RAD54B: variants seen among roughly 807,000 people sequenced by gnomAD.
RAD54B encodes the protein DNA repair and recombination protein RAD54B.
Under a neutral mutation model 95.8 loss-of-function variants are expected in RAD54B, and 78 were observed. That is an observed-to-expected ratio of 0.81 (90% confidence interval 0.68 to 0.98). The LOEUF is 0.98. RAD54B is among the 50% of genes least tolerant of loss of function. RAD54B has a pLI of 0.00. For synonymous variants in RAD54B, 328 were observed against 354.9 expected, an observed-to-expected ratio of 0.92 and a Z score of 0.85; for missense variants, 957 against 1,056.6, an observed-to-expected ratio of 0.91 and a Z score of 1.31.
At chr8:94,429,596 A>C (rs1355003994) in intron 3 of RAD54B, 1 of 983,044 alleles carries the variant, frequency 1.0e-6, no homozygotes, top group Non-Finnish European at 1.2e-6. Context: ...AAAGCTTACT[A>C]CTGCCAAGAT....
chr8:94,375,741 G>GA (rs1348720727), intron 14 of RAD54B, among the ~76,000 whole-genome samples: 1 of 152,104 alleles, frequency 6.6e-6, no homozygotes, highest in Non-Finnish European at 1.5e-5. Context: ...GCTACTGAGT[G>GA]AAAAAGGTAC....
intron 3 of RAD54B, among the ~76,000 whole-genome samples, chr8:94,417,893 A>G (rs1811715077): frequency 6.6e-6 from 1 of 152,196 alleles, no homozygotes; most frequent in Non-Finnish European, 1.5e-5. Flanking sequence ...TTTCTGAGAA[A>G]ACAAATGATT....
intron 2 of RAD54B, among the ~76,000 whole-genome samples, chr8:94,466,768 A>T (rs1040846323): frequency 1.3e-5 from 2 of 152,176 alleles, no homozygotes; most frequent in Non-Finnish European, 2.9e-5. Context: ...ACAAATCATT[A>T]TGTATTTTTT....
At chr8:94,454,365 T>C (rs111359278) in intron 3 of RAD54B, among the ~76,000 whole-genome samples, 60 of 152,310 alleles carry the variant, frequency 3.9e-4, no homozygotes, top group African/African-American at 7.2e-4. Flanking sequence ...TTGTACAACA[T>C]TGTAAATATG....
chr8:94,407,196 C>T (rs1249971593), intron 5 of RAD54B, among the ~76,000 whole-genome samples: 3 of 151,958 alleles, frequency 2.0e-5, no homozygotes, highest in Non-Finnish European at 2.9e-5. Context: ...AGATATGTTT[C>T]CTTCAACACA....
At chr8:94,466,419 T>G (rs564939120) in intron 2 of RAD54B, among the ~76,000 whole-genome samples, 3,579 of 151,576 alleles carry the variant, frequency 0.024, 49 homozygotes, top group Non-Finnish European at 0.035. Flanking sequence ...TTTTTTTTTT[T>G]TTGGGGGGGA....
rs1440401117 is a variant in RAD54B, at chr8:94,380,136, T to C, written c.2247+9A>G. The C allele has an allele frequency of 6.2e-7, 1 of 1,600,306 alleles. No individual in the cohort carries two copies. The highest frequency in any genetic ancestry group is 1.7e-5 in the Admixed American group (1 of 58,918). On this transcript the variant is annotated intron_variant, in intron 12 of 14. Coordinates refer to ENST00000336148, the MANE Select transcript of RAD54B (RefSeq NM_012415.3). ...CAATAATATCTATTTAATGCATAAA[T>C]ATTCCTACCTGAATGTCAGTGGCTG...
chr8:94,456,947 G>A (rs963162407), intron 3 of RAD54B, among the ~76,000 whole-genome samples: 5 of 152,148 alleles, frequency 3.3e-5, no homozygotes, highest in African/African-American at 9.7e-5. Context: ...AAAGGATTAC[G>A]GGATTAGGAG....
intron 3 of RAD54B, among the ~76,000 whole-genome samples, chr8:94,422,617 A>T (rs13439554): frequency 1.0e-2 from 431 of 43,228 alleles, no homozygotes; most frequent in Non-Finnish European, 0.013. Context: ...AAAAAAAAAA[A>T]ATATATATAT....
intron 10 of RAD54B, 76 bp from the exon 11 acceptor site, chr8:94,387,235 G>C (rs1209226523): frequency 1.6e-6 from 2 of 1,237,746 alleles, no homozygotes; most frequent in Non-Finnish European, 2.2e-6. Context: ...TAAAATTATG[G>C]AAGGAAAAAG....
intron 11 of RAD54B, among the ~76,000 whole-genome samples, chr8:94,382,041 G>A (rs2129960230): frequency 6.6e-6 from 1 of 151,160 alleles, no homozygotes; most frequent in African/African-American, 2.4e-5. Flanking sequence ...GTGAACCTGG[G>A]AGGCGGAGCT....
intron 3 of RAD54B, among the ~76,000 whole-genome samples, chr8:94,453,716 T>A (rs997265759): frequency 6.6e-6 from 1 of 152,074 alleles, no homozygotes; most frequent in African/African-American, 2.4e-5. Context: ...TACAAAAAAC[T>A]AGTAACTGGT....
chr8:94,427,129 G>T (rs1811961800), intron 3 of RAD54B, among the ~76,000 whole-genome samples: 1 of 151,894 alleles, frequency 6.6e-6, no homozygotes, highest in Non-Finnish European at 1.5e-5. Context: ...TTGTAACAGA[G>T]GTGAATTCAC....
Position 94,407,429 on chromosome 8 carries a change from A to C in RAD54B, c.781+10T>G. On this transcript the variant is annotated intron_variant, in intron 5 of 14. Transcript: ENST00000336148. The stretch of plus-strand genomic sequence containing the variant: ...AAAACAGAAAATTCAAATTATTTTT[A>C]AAATCTTACTTGGCGTATATGGGTC... 1 of 1,563,508 alleles carries C rather than the reference A, an allele frequency of 6.4e-7. No individual in the cohort carries two copies. The highest frequency in any genetic ancestry group is 8.7e-7 in the Non-Finnish European group (1 of 1,152,814).
At position 94,372,163 on chromosome 8, in the gene RAD54B, T is replaced by C; in HGVS notation, c.*7A>G. 1 of 1,589,158 alleles carries C rather than the reference T, an allele frequency of 6.3e-7. No individual in the cohort carries two copies. The highest frequency in any genetic ancestry group is 8.5e-7 in the Non-Finnish European group (1 of 1,173,318). ...AAGAGCAATGGAATGTCAGAAGTAA[T>C]CTTTCACTATGTGCCAGTAGCTTGA... On this transcript the variant is annotated 3_prime_UTR_variant, in exon 15 of 15. Transcript: ENST00000336148.
At chr8:94,414,312 C>A (rs1216705039) in intron 3 of RAD54B, among the ~76,000 whole-genome samples, 4 of 152,156 alleles carry the variant, frequency 2.6e-5, no homozygotes, top group Admixed American at 6.6e-5. Context: ...ATTGAATACC[C>A]TTTATTTCCT....
Position 94,372,363 on chromosome 8 carries a change from A to G in RAD54B, c.2540T>C (p.Val847Ala), listed in dbSNP as rs1188802321. 2 of 1,612,906 alleles carry G rather than the reference A, an allele frequency of 1.2e-6. No homozygotes were observed. Among genetic ancestry groups the G allele is most frequent in the South Asian group, 2.2e-5 (2 of 90,886 alleles). Residue 847 changes from valine (V) to alanine (A), a missense_variant, in exon 15 of 15, where the codon GTC (valine) becomes GCC (alanine). Physicochemically the swap from Val to Ala is moderately conservative, Grantham distance 64 (BLOSUM62 0). Coordinates refer to ENST00000336148, the MANE Select transcript of RAD54B (RefSeq NM_012415.3). ...HTGDSLEKFI[V>A]SRDCQLGPHH... is the part of the protein sequence containing the mutation. ...TGGACCAAGCTGACAATCTCTAGAG[A>G]CAATGAATTTTTCCAACGAATCACC...
At chr8:94,387,426 T>C (rs562296716) in intron 10 of RAD54B, 7 of 264,850 alleles carry the variant, frequency 2.6e-5, no homozygotes, top group African/African-American at 8.8e-5. Flanking sequence ...ATTTCCCACA[T>C]GTAACTACAG....
intron 10 of RAD54B, 75 bp downstream of exon 10, chr8:94,391,534 C>G: frequency 7.0e-7 from 1 of 1,423,542 alleles, no homozygotes; most frequent in Non-Finnish European, 9.4e-7. Context: ...AGAAATTAGC[C>G]CTGTCTGCCC....
Sources: allele counts gnomAD v4.1 joint callset (sites outside exome capture counted in the v4.1 genomes callset), GRCh38; gene constraint gnomAD v4.1.1; transcripts MANE v1.5; gene names NCBI Gene and HGNC (gene_info 2026-07-23, HGNC 2026-07-21).